FARP1: variants seen among roughly 807,000 people sequenced by gnomAD.
The protein encoded by FARP1 is FERM, ARHGEF and pleckstrin domain-containing protein 1.
A neutral mutation model predicts 128.8 loss-of-function variants in FARP1; 52 were observed. That is an observed-to-expected ratio of 0.40 (90% CI 0.32 to 0.51). The LOEUF (loss-of-function observed/expected upper bound fraction) is 0.51. Ranked by LOEUF, FARP1 falls within the 20% of genes least tolerant of loss-of-function variation. FARP1 has a pLI of 0.45. For missense variants in FARP1, 1,333 were observed against 1,367.9 expected (o/e 0.97, Z 0.40); for synonymous variants, 580 against 551.8 (o/e 1.05, Z -0.72).
At position 98,372,481 on chromosome 13, in the gene FARP1, G is replaced by T. The variant is rs115796414; in HGVS notation, c.398+4286G>T. On this transcript the variant is annotated intron_variant, in intron 5 of 26. Transcript: ENST00000319562. ...TCTTCCCCTTCTCTCTGGGCATCCC[G>T]TCTTCAGTTGGATCCAGCTTCTACT... 2.6e-5 allele frequency among the ~76,000 whole-genome samples: 4 copies of T among 151,994 alleles called. No homozygotes were observed. The South Asian group carries it at 8.3e-4, about 32-fold the overall frequency.
At chr13:98,259,338 T>TAC (rs1405936253) in intron 2 of FARP1, among the ~76,000 whole-genome samples, 2 of 152,202 alleles carry the variant, frequency 1.3e-5, no homozygotes, top group African/African-American at 4.8e-5. Context: ...TGTGTATATA[T>TAC]ACACACATAT....
chr13:98,161,591 A>G (rs537725054), intron 1 of FARP1, among the ~76,000 whole-genome samples: 6 of 152,228 alleles, frequency 3.9e-5, no homozygotes, highest in African/African-American at 1.2e-4. Context: ...CCTTTCTCTG[A>G]GGAATGTGGC....
intron 2 of FARP1, among the ~76,000 whole-genome samples, chr13:98,292,835 C>T (rs1885511264): frequency 6.6e-6 from 1 of 152,062 alleles, no homozygotes; most frequent in Non-Finnish European, 1.5e-5. Flanking sequence ...AAGTTTTGTA[C>T]CCTTCAGTTG....
intron 1 of FARP1, among the ~76,000 whole-genome samples, chr13:98,170,520 C>A (rs1461319021): frequency 6.6e-6 from 1 of 152,142 alleles, no homozygotes; most frequent in Non-Finnish European, 1.5e-5. Flanking sequence ...CCACGCCCGG[C>A]TAATTTTTTG....
intron 2 of FARP1, among the ~76,000 whole-genome samples, chr13:98,318,294 C>G (rs1474193219): frequency 6.6e-6 from 1 of 151,938 alleles, no homozygotes; most frequent in Non-Finnish European, 1.5e-5. Flanking sequence ...CCTGAGCTTG[C>G]AACCTGCACA....
intron 2 of FARP1, among the ~76,000 whole-genome samples, chr13:98,227,429 C>T (rs1402471461): frequency 6.7e-6 from 1 of 148,882 alleles, no homozygotes; most frequent in Non-Finnish European, 1.5e-5. Context: ...TACCAGCTCA[C>T]ACTTACTAGG....
At chr13:98,275,977 G>C (rs1483601516) in intron 2 of FARP1, among the ~76,000 whole-genome samples, 1 of 152,160 alleles carries the variant, frequency 6.6e-6, no homozygotes, top group Non-Finnish European at 1.5e-5. Context: ...GGGTATGATG[G>C]ATGTCATTAT....
chr13:98,437,960 C>G, intron 19 of FARP1: 1 of 1,010,426 alleles, frequency 9.9e-7, no homozygotes, highest in East Asian at 2.4e-5. Flanking sequence ...CAAATCAACC[C>G]TGAGCAGAAT....
intron 2 of FARP1, among the ~76,000 whole-genome samples, chr13:98,252,765 G>C (rs1217079231): frequency 6.6e-6 from 1 of 152,232 alleles, no homozygotes; most frequent in Non-Finnish European, 1.5e-5. Flanking sequence ...AAAGTGTCCA[G>C]TGTTGTTCTT....
At chr13:98,214,458 G>A (rs1880939302) in intron 2 of FARP1, among the ~76,000 whole-genome samples, 1 of 152,158 alleles carries the variant, frequency 6.6e-6, no homozygotes, top group African/African-American at 2.4e-5. Context: ...AACAAACTCT[G>A]GGAGCACACC....
At chr13:98,273,265 T>C (rs1041583271) in intron 2 of FARP1, among the ~76,000 whole-genome samples, 5 of 152,214 alleles carry the variant, frequency 3.3e-5, no homozygotes, top group Non-Finnish European at 4.4e-5. Context: ...GATAAGGACG[T>C]CTGTTAACCA....
chr13:98,428,943 AGC>A (rs1244061512), intron 17 of FARP1, among the ~76,000 whole-genome samples: 1 of 152,228 alleles, frequency 6.6e-6, no homozygotes, highest in Non-Finnish European at 1.5e-5. Context: ...CACATGCAAG[AGC>A]GTGTATAACT....
chr13:98,336,903 T>A (rs1400376824), intron 2 of FARP1, among the ~76,000 whole-genome samples: 1 of 152,196 alleles, frequency 6.6e-6, no homozygotes, highest in Non-Finnish European at 1.5e-5. Context: ...GAATTGCTGG[T>A]TTGTTATTCC....
In FARP1 at chr13:98,448,230, T is replaced by C. The variant is rs776717886; in HGVS notation, c.3057-6T>C. 4 of 1,613,320 alleles carry C rather than the reference T, an allele frequency of 2.5e-6. No homozygotes were observed. The Admixed American group carries it at 6.7e-5, about 27-fold the overall frequency. On this transcript the variant is annotated splice_region_variant and splice_polypyrimidine_tract_variant and intron_variant, in intron 26 of 26. Coordinates refer to ENST00000319562, the MANE Select transcript of FARP1 (RefSeq NM_005766.4). ...AGGTTGACTAACTGGCGTTCCCGTG[T>C]TGCAGGTGGATGGAAGTGATCCGCA...
At chr13:98,312,416 G>A (rs1886514299) in intron 2 of FARP1, among the ~76,000 whole-genome samples, 1 of 152,190 alleles carries the variant, frequency 6.6e-6, no homozygotes, top group Non-Finnish European at 1.5e-5. Flanking sequence ...TGGGATTACA[G>A]GCGTGAGACA....
chr13:98,216,698 T>TA (rs906337757), intron 2 of FARP1, among the ~76,000 whole-genome samples: 1 of 152,174 alleles, frequency 6.6e-6, no homozygotes, highest in Non-Finnish European at 1.5e-5. Flanking sequence ...CTTTGTACCC[T>TA]AAAAAAATTA....
chr13:98,204,975 A>G (rs9300465), intron 1 of FARP1, among the ~76,000 whole-genome samples: 32,274 of 152,070 alleles, frequency 0.21, 5,124 homozygotes, highest in East Asian at 0.67. Context: ...CAATTTGGCT[A>G]TTATAGTTGA....
At chr13:98,303,533 A>G (rs1003749493) in intron 2 of FARP1, among the ~76,000 whole-genome samples, 2 of 152,238 alleles carry the variant, frequency 1.3e-5, no homozygotes, top group Non-Finnish European at 1.5e-5. Flanking sequence ...ACATGTTCAT[A>G]AATGATGCTG....
At chr13:98,277,154 T>G (rs112693787) in intron 2 of FARP1, among the ~76,000 whole-genome samples, 6,157 of 23,414 alleles carry the variant, frequency 0.26, 195 homozygotes, top group African/African-American at 0.29. Flanking sequence ...ACACACCCCA[T>G]ATGTATATAT....
Sources: allele counts gnomAD v4.1 joint callset (sites outside exome capture counted in the v4.1 genomes callset), GRCh38; gene constraint gnomAD v4.1.1; transcripts MANE v1.5; gene names NCBI Gene and HGNC (gene_info 2026-07-23, HGNC 2026-07-21).